Variants in STOX1 observed in about 807,000 individuals in gnomAD.
STOX1 encodes the protein storkhead-box protein 1.
A neutral mutation model predicts 74.8 loss-of-function variants in STOX1; 57 were observed. The ratio of observed to expected loss-of-function variants is 0.76; its 90% confidence interval spans 0.62 to 0.95. The LOEUF (loss-of-function observed/expected upper bound fraction) is 0.95. Among genes scored for constraint, STOX1 ranks in the 40% least tolerant of loss-of-function variants. The probability of loss-of-function intolerance (pLI) is 0.00; values close to 1 mark genes in which losing one functional copy is unlikely to be tolerated. For synonymous variants in STOX1, 375 were observed against 401.3 expected, an observed-to-expected ratio of 0.93 and a Z score of 0.78; for missense variants, 1,010 against 1,117.0, an observed-to-expected ratio of 0.90 and a Z score of 1.37.
At chr10:68,867,549 A>G (rs886678726) in intron 1 of STOX1, among the ~76,000 whole-genome samples, 2 of 152,204 alleles carry the variant, frequency 1.3e-5, no homozygotes, top group Middle Eastern at 3.2e-3. Flanking sequence ...GGGTCAGGCC[A>G]TTATCTTCAA....
At chr10:68,888,485 AT>A (rs1177010892) in intron 3 of STOX1, among the ~76,000 whole-genome samples, 64 of 151,970 alleles carry the variant, frequency 4.2e-4, no homozygotes, top group African/African-American at 1.5e-3. Context: ...AGATCTATAG[AT>A]TTTGTCTACT....
intron 1 of STOX1, among the ~76,000 whole-genome samples, chr10:68,864,189 G>A (rs990499370): frequency 2.0e-4 from 30 of 152,132 alleles, no homozygotes; most frequent in Non-Finnish European, 3.1e-4. Flanking sequence ...CTCCCAAAGT[G>A]TTGGGATTAC....
At chr10:68,858,415 C>T (rs1840180816) in intron 1 of STOX1, among the ~76,000 whole-genome samples, 2 of 152,124 alleles carry the variant, frequency 1.3e-5, no homozygotes. Context: ...AACCTGAAAC[C>T]TTCCTTCTGT....
chr10:68,877,159 C>T (rs564437372), intron 1 of STOX1, among the ~76,000 whole-genome samples: 14 of 152,244 alleles, frequency 9.2e-5, no homozygotes, highest in Non-Finnish European at 1.5e-4. Flanking sequence ...TAGCAATTAA[C>T]GGTGTCCTCT....
intron 3 of STOX1, among the ~76,000 whole-genome samples, chr10:68,888,627 A>ATTT (rs747038041): frequency 3.5e-4 from 38 of 107,810 alleles, no homozygotes; most frequent in African/African-American, 9.9e-4. Context: ...CTTTGCCAGT[A>ATTT]TTTTTTTTTT....
At chr10:68,890,766 T>A (rs1303563292) in intron 3 of STOX1, among the ~76,000 whole-genome samples, 2 of 150,598 alleles carry the variant, frequency 1.3e-5, no homozygotes, top group Non-Finnish European at 1.5e-5. Flanking sequence ...TTCTCCTGCC[T>A]CAGCCTCCTG....
At chr10:68,879,583 A>T (rs1339116769) in intron 1 of STOX1, among the ~76,000 whole-genome samples, 2 of 152,092 alleles carry the variant, frequency 1.3e-5, no homozygotes, top group Non-Finnish European at 2.9e-5. Context: ...TTTTGCATCC[A>T]AAGGGACACA....
In STOX1 at chr10:68,833,476, G is replaced by A. The variant is rs143896750; in HGVS notation, c.310+5543G>A. On this transcript the variant is annotated intron_variant, in intron 1 of 3. Coordinates refer to ENST00000298596, the MANE Select transcript of STOX1 (RefSeq NM_152709.5). ...CTCAAGAGCTGAGCTCCCCGAGTGA[G>A]CAATTCCTGTCCCTTTTAAGGGCTC... is the stretch of plus-strand genomic sequence containing the variant. 3.3e-3 allele frequency among the ~76,000 whole-genome samples: 506 copies of A among 152,208 alleles called. 4 individuals are homozygous for A. The highest frequency in any genetic ancestry group is 0.012 in the African/African-American group (487 of 41,554).
chr10:68,885,470 A>C lies in STOX1; in HGVS notation c.1674A>C (p.Lys558Asn). Residue 558 changes from lysine (K) to asparagine (N), a missense_variant, in exon 3 of 4, where the codon AAA (lysine) becomes AAC (asparagine). Physicochemically the swap from Lys to Asn is moderately conservative, Grantham distance 94. Transcript: ENST00000298596. Reference sequence around the variant, plus strand: ...CATATGCTGAACAACCTAATGATAAAATGGAAGCAGAATCCATTTACATAA... The same window carrying C: ...CATATGCTGAACAACCTAATGATAACATGGAAGCAGAATCCATTTACATAA... ...KEPYAEQPNDKMEAESIYIND... is the reference protein window; with the variant it reads ...KEPYAEQPNDNMEAESIYIND... The C allele has an allele frequency of 6.2e-7, 1 of 1,614,156 alleles. No individual in the cohort carries two copies. Among genetic ancestry groups the C allele is most frequent in the Non-Finnish European group, 8.5e-7 (1 of 1,180,026 alleles).
At chr10:68,847,513 G>A (rs915537981) in intron 1 of STOX1, among the ~76,000 whole-genome samples, 1 of 151,968 alleles carries the variant, frequency 6.6e-6, no homozygotes, top group African/African-American at 2.4e-5. Flanking sequence ...AGGTTCAAGC[G>A]TTTCTCCTAC....
rs56325624 is a variant in STOX1 at position 68,876,119 on chromosome 10, A to AATAT, written c.311-5804_311-5801dup. On this transcript the variant is annotated intron_variant, in intron 1 of 3. Transcript: ENST00000298596. ...GGGGTTGCTTTCTGGTCTTTACCAG[A>AATAT]ATATATATATATATATATATATATA... Among the ~76,000 whole-genome samples, 225 of 135,696 alleles carry AATAT rather than the reference A, an allele frequency of 1.7e-3. 1 individual carries two copies. Among genetic ancestry groups the AATAT allele is most frequent in the South Asian group, 3.4e-3 (14 of 4,172 alleles). 89.0% of individuals were successfully genotyped at this position (135,696 alleles called of 152,430 possible).
chr10:68,841,802 GT>G (rs1839698208), intron 1 of STOX1, among the ~76,000 whole-genome samples: 1 of 152,158 alleles, frequency 6.6e-6, no homozygotes, highest in African/African-American at 2.4e-5. Context: ...AGCAAAGCCT[GT>G]TTTTGCTGAG....
intron 1 of STOX1, among the ~76,000 whole-genome samples, chr10:68,849,861 TCTC>T (rs1386575297): frequency 1.3e-5 from 2 of 152,168 alleles, no homozygotes; most frequent in Non-Finnish European, 2.9e-5. Flanking sequence ...CGAATCCTCT[TCTC>T]CTAAACTTAC....
chr10:68,886,231 G>A lies in STOX1; in HGVS notation c.2435G>A (p.Ser812Asn), dbSNP rs1168282425. 2 of 1,614,096 alleles carry A rather than the reference G, an allele frequency of 1.2e-6. No individual in the cohort carries two copies. ...PTGLHATPGE[S>N]QEPNLSAESC... is the part of the protein sequence containing the mutation. ...GGGCTGCATGCTACCCCAGGTGAAA[G>A]CCAAGAACCTAACCTCTCTGCTGAA... is the stretch of plus-strand genomic sequence containing the variant. Residue 812 changes from serine (S) to asparagine (N), a missense_variant, in exon 3 of 4, where the codon AGC becomes AAC. Physicochemically the swap from Ser to Asn is conservative, Grantham distance 46. Coordinates refer to ENST00000298596, the MANE Select transcript of STOX1 (RefSeq NM_152709.5).
At chr10:68,856,525 A>G (rs1206889128) in intron 1 of STOX1, among the ~76,000 whole-genome samples, 1 of 152,064 alleles carries the variant, frequency 6.6e-6, no homozygotes, top group African/African-American at 2.4e-5. Context: ...ACAACTATCA[A>G]CATTCAAATC....
chr10:68,880,036 C>T (rs1001918346), intron 1 of STOX1, among the ~76,000 whole-genome samples: 1 of 152,096 alleles, frequency 6.6e-6, no homozygotes, highest in Admixed American at 6.5e-5. Flanking sequence ...GTCAAAAGTG[C>T]CAAAGTTGAG....
intron 3 of STOX1, among the ~76,000 whole-genome samples, chr10:68,889,718 C>G (rs1296659163): frequency 6.6e-6 from 1 of 152,124 alleles, no homozygotes; most frequent in Admixed American, 6.5e-5. Flanking sequence ...CACACACCAC[C>G]AGGCCCAGCT....
rs954264879 is a variant in STOX1 at position 68,845,745 on chromosome 10, G to A, written c.310+17812G>A. 2.0e-5 allele frequency among the ~76,000 whole-genome samples: 3 copies of A among 151,676 alleles called. No homozygotes were observed. The Admixed American group carries it at 2.0e-4, about 10-fold the overall frequency. ...GCCTCCCGAGTATCTGGGATTATAG[G>A]CGCATGCCACCACGCCTGGCTAATT... is the stretch of plus-strand genomic sequence containing the variant. On this transcript the variant is annotated intron_variant, in intron 1 of 3. Transcript: ENST00000298596.
chr10:68,869,614 G>A (rs1840491028), intron 1 of STOX1, among the ~76,000 whole-genome samples: 1 of 152,148 alleles, frequency 6.6e-6, no homozygotes, highest in Admixed American at 6.5e-5. Flanking sequence ...TATTCAGGGA[G>A]AGGCCAATCT....
Sources: allele counts gnomAD v4.1 joint callset (sites outside exome capture counted in the v4.1 genomes callset), GRCh38; gene constraint gnomAD v4.1.1; transcripts MANE v1.5; gene names NCBI Gene and HGNC (gene_info 2026-07-23, HGNC 2026-07-21).